The following BSDC1 variants were observed in gnomAD, a reference collection of about 807,000 sequenced individuals.
The protein encoded by BSDC1 is BSD domain-containing protein 1.
BSDC1 carries 29 observed loss-of-function variants against 56.0 expected under a neutral mutation model. That is an observed-to-expected ratio of 0.52 (90% CI 0.39 to 0.71). The LOEUF (loss-of-function observed/expected upper bound fraction) is 0.71. BSDC1 is among the 30% of genes least tolerant of loss of function. The probability of loss-of-function intolerance (pLI) is 0.00; values close to 1 mark genes in which losing one functional copy is unlikely to be tolerated. For synonymous variants in BSDC1, 210 were observed against 215.3 expected, an observed-to-expected ratio of 0.98 and a Z score of 0.21; for missense variants, 477 against 548.5, an observed-to-expected ratio of 0.87 and a Z score of 1.30.
At chr1:32,374,323 C>T (rs751214129) in intron 9 of BSDC1, among the ~76,000 whole-genome samples, 12 of 152,282 alleles carry the variant, frequency 7.9e-5, no homozygotes, top group Non-Finnish European at 1.5e-4. Context: ...ACAATTATCC[C>T]GTTTATGGAG....
intron 2 of BSDC1, among the ~76,000 whole-genome samples, chr1:32,389,781 T>C (rs1642801186): frequency 6.8e-6 from 1 of 147,446 alleles, no homozygotes; most frequent in Non-Finnish European, 1.5e-5. Flanking sequence ...GGCAAAACCG[T>C]CTCCACACAC....
rs139325175 is a variant in BSDC1 at position 32,368,276 on chromosome 1, C to T, written c.1260+171G>A. ...TGGAACTGAGGAAAAGTGCAGCCTGCTGATGACCAATGTTGTGGGTCTGAG... is the reference window on the plus strand; with the variant it reads ...TGGAACTGAGGAAAAGTGCAGCCTGTTGATGACCAATGTTGTGGGTCTGAG... On this transcript the variant is annotated intron_variant, in intron 10 of 10. Coordinates refer to ENST00000455895, the MANE Select transcript of BSDC1 (RefSeq NM_018045.8). The T allele has an allele frequency of 3.2e-6, 5 of 1,550,590 alleles. No homozygotes were observed. In the African/African-American group the frequency reaches 6.8e-5, roughly 21 times the overall value.
At chr1:32,382,895 A>G (rs1358264767) in intron 4 of BSDC1, among the ~76,000 whole-genome samples, 1 of 151,166 alleles carries the variant, frequency 6.6e-6, no homozygotes, top group Non-Finnish European at 1.5e-5. Flanking sequence ...AAAAAGAAGA[A>G]GAAAAGAAAA....
chr1:32,388,704 T>C (rs1642755896), intron 2 of BSDC1, among the ~76,000 whole-genome samples: 1 of 152,252 alleles, frequency 6.6e-6, no homozygotes, highest in Admixed American at 6.5e-5. Flanking sequence ...GAGCTCCAGC[T>C]GGCCTTCCTC....
At chr1:32,371,973 C>T (rs997433425) in intron 9 of BSDC1, among the ~76,000 whole-genome samples, 1 of 152,256 alleles carries the variant, frequency 6.6e-6, no homozygotes, top group South Asian at 2.1e-4. Context: ...TGCCCACCCC[C>T]AGTCCCAACT....
rs142016597 is a variant in BSDC1 at position 32,377,938 on chromosome 1, A to T, written c.676+32T>A. ...GCCCAGAGCGTCCCGCACAGATGTG[A>T]CACTTGCCCCTCACCTCTCAACGCC... On this transcript the variant is annotated intron_variant, in intron 8 of 10. Transcript: ENST00000455895. 8.3e-5 allele frequency: 131 copies of T among 1,572,046 alleles called. 1 individual carries two copies. The highest frequency in any genetic ancestry group is 7.5e-4 in the South Asian group (62 of 82,382).
At chr1:32,383,706 T>C (rs1266924801) in intron 4 of BSDC1, 124 bp downstream of exon 4, 1 of 717,676 alleles carries the variant, frequency 1.4e-6, no homozygotes, top group Non-Finnish European at 2.3e-6. Flanking sequence ...TCTGATTTAC[T>C]ATTAATAATA....
At chr1:32,388,957 CTT>C (rs756507594) in intron 2 of BSDC1, among the ~76,000 whole-genome samples, 18 of 141,158 alleles carry the variant, frequency 1.3e-4, no homozygotes, top group East Asian at 2.0e-4. Flanking sequence ...TCTTTTTTTT[CTT>C]TTTTTTTTTT....
At chr1:32,375,940 C>CAAT (rs1218630661) in intron 9 of BSDC1, among the ~76,000 whole-genome samples, 7 of 152,160 alleles carry the variant, frequency 4.6e-5, no homozygotes, top group Non-Finnish European at 1.0e-4. Context: ...TTTTGGGCCT[C>CAAT]ACTTTTTTTC....
chr1:32,393,351 G>C (rs942921555), intron 2 of BSDC1, among the ~76,000 whole-genome samples: 1 of 152,252 alleles, frequency 6.6e-6, no homozygotes, highest in South Asian at 2.1e-4. Flanking sequence ...TCTACTGCCC[G>C]TTGCATAGCC....
chr1:32,389,542 G>T (rs1260056383), intron 2 of BSDC1, among the ~76,000 whole-genome samples: 1 of 152,188 alleles, frequency 6.6e-6, no homozygotes, highest in South Asian at 2.1e-4. Flanking sequence ...ATGGTCCCAT[G>T]ATAGTGCTGA....
intron 2 of BSDC1, among the ~76,000 whole-genome samples, chr1:32,391,967 A>C (rs1385620139): frequency 6.6e-6 from 1 of 152,214 alleles, no homozygotes; most frequent in Non-Finnish European, 1.5e-5. Flanking sequence ...CCATCACCAC[A>C]ATCTCATCAA....
Position 32,384,200 on chromosome 1 carries a change from A to G in BSDC1, c.190-203T>C, listed in dbSNP as rs1275407086. 4.6e-6 allele frequency: 3 copies of G among 645,584 alleles called. No individual in the cohort carries two copies. In the East Asian group the frequency reaches 8.2e-5, roughly 18 times the overall value. The allele number at this position is 645,584 out of a possible 1,614,324, so 40.0% of individuals were successfully genotyped here. A position where few individuals can be genotyped will look rare whatever the true frequency, so the allele number is the denominator to read the frequency against. On this transcript the variant is annotated intron_variant, in intron 3 of 10. Transcript: ENST00000455895. ...CCAAGTGGGGCTGCAGAACAGGGCCATGGTAGGCCTGTGTAGATCAGAGAT... is the reference window on the plus strand; with the variant it reads ...CCAAGTGGGGCTGCAGAACAGGGCCGTGGTAGGCCTGTGTAGATCAGAGAT...
At chr1:32,372,615 G>A (rs531035061) in intron 9 of BSDC1, among the ~76,000 whole-genome samples, 14 of 152,124 alleles carry the variant, frequency 9.2e-5, no homozygotes, top group Admixed American at 2.6e-4. Context: ...TCCTTCCACC[G>A]TCCTACCCTG....
chr1:32,380,519 G>A (rs990100915), intron 5 of BSDC1, among the ~76,000 whole-genome samples: 13 of 152,222 alleles, frequency 8.5e-5, no homozygotes, highest in African/African-American at 2.6e-4. Context: ...GGTGGCGGGC[G>A]CCTGTAAGCC....
intron 9 of BSDC1, among the ~76,000 whole-genome samples, chr1:32,369,645 C>G (rs1641995880): frequency 6.6e-6 from 1 of 152,194 alleles, no homozygotes; most frequent in African/African-American, 2.4e-5. Flanking sequence ...ATGGGCTGTT[C>G]CCTGCACCTG....
At chr1:32,391,248 A>C (rs1642855340) in intron 2 of BSDC1, among the ~76,000 whole-genome samples, 1 of 151,018 alleles carries the variant, frequency 6.6e-6, no homozygotes, top group East Asian at 1.9e-4. Flanking sequence ...GGATTTGGCA[A>C]GCAGTAGGTA....
At chr1:32,374,058 G>C (rs1024738929) in intron 9 of BSDC1, among the ~76,000 whole-genome samples, 3 of 152,080 alleles carry the variant, frequency 2.0e-5, no homozygotes, top group Non-Finnish European at 4.4e-5. Flanking sequence ...CTCTTCTACA[G>C]GACTATTTCA....
intron 2 of BSDC1, among the ~76,000 whole-genome samples, chr1:32,393,228 G>A (rs2148148791): frequency 6.6e-6 from 1 of 152,340 alleles, no homozygotes; most frequent in African/African-American, 2.4e-5. Context: ...AGCATGAAAT[G>A]AAACAGGAAT....
Sources: allele counts gnomAD v4.1 joint callset (sites outside exome capture counted in the v4.1 genomes callset), GRCh38; gene constraint gnomAD v4.1.1; transcripts MANE v1.5; gene names NCBI Gene and HGNC (gene_info 2026-07-23, HGNC 2026-07-21).